LDLRAD4: variants seen among roughly 807,000 people sequenced by gnomAD.
The protein encoded by LDLRAD4 is low density lipoprotein receptor class A domain containing 4.
A neutral mutation model predicts 17.0 loss-of-function variants in LDLRAD4; 5 were observed. That is an observed-to-expected ratio of 0.29 (90% CI 0.15 to 0.62). LDLRAD4 has a LOEUF of 0.62. LDLRAD4 is among the 20% of genes least tolerant of loss of function. The pLI is 0.84. For missense variants in LDLRAD4, 340 were observed against 424.7 expected (o/e 0.80, Z 1.75); for synonymous variants, 168 against 171.8 (o/e 0.98, Z 0.17).
chr18:13,399,710 A>G (rs59113336), intron 2 of LDLRAD4, among the ~76,000 whole-genome samples: 4,880 of 152,324 alleles, frequency 0.032, 270 homozygotes, highest in African/African-American at 0.11. Context: ...AAGGGTTTCC[A>G]GGGATGGCAG....
At position 13,548,167 on chromosome 18, in the gene LDLRAD4, G is replaced by A. The variant is rs142122378; in HGVS notation, c.182-72950G>A. ...TCATCTTGTCATCTGCCTGAGTCTG[G>A]CTGAGTCTGGGGGGTTTTATGGGCT... On this transcript the variant is annotated intron_variant, in intron 3 of 5. Coordinates refer to ENST00000359446, the Ensembl canonical transcript of LDLRAD4. 5.3e-5 allele frequency among the ~76,000 whole-genome samples: 8 copies of A among 152,296 alleles called. No individual in the cohort carries two copies. In the East Asian group the frequency reaches 1.5e-3, roughly 29 times the overall value.
At chr18:13,348,756 C>G (rs1358013725) in intron 1 of LDLRAD4, among the ~76,000 whole-genome samples, 1 of 152,216 alleles carries the variant, frequency 6.6e-6, no homozygotes, top group Non-Finnish European at 1.5e-5. Flanking sequence ...TTTACCTACT[C>G]AAGCCTCAGC....
intron 3 of LDLRAD4, among the ~76,000 whole-genome samples, chr18:13,457,798 G>A (rs1012824611): frequency 6.6e-6 from 1 of 152,110 alleles, no homozygotes; most frequent in Non-Finnish European, 1.5e-5. Flanking sequence ...CTGGGCCCCC[G>A]CTCCCCTGTG....
rs572691344 is a variant in LDLRAD4 at position 13,265,949 on chromosome 18, C to A, written c.-466-12156C>A. ...GAGCACTCAGCCTCCTCCTCACCCC[C>A]ACGTGGATCTGCTCGATCTAGGTTT... On this transcript the variant is annotated intron_variant, in intron 1 of 5. Coordinates refer to the LDLRAD4 transcript ENST00000399848. 4.6e-5 allele frequency among the ~76,000 whole-genome samples: 7 copies of A among 152,282 alleles called. No homozygotes were observed. In the East Asian group the frequency reaches 9.7e-4, roughly 21 times the overall value.
intron 1 of LDLRAD4, among the ~76,000 whole-genome samples, chr18:13,252,597 G>A (rs1261135337): frequency 6.6e-6 from 1 of 152,166 alleles, no homozygotes; most frequent in African/African-American, 2.4e-5. Context: ...GACTGATGAC[G>A]AGGTTGGTGC....
At chr18:13,302,188 G>A (rs1480576693) in intron 1 of LDLRAD4, among the ~76,000 whole-genome samples, 3 of 152,182 alleles carry the variant, frequency 2.0e-5, no homozygotes, top group Non-Finnish European at 2.9e-5. Flanking sequence ...CACTGCTGTC[G>A]CCGGCTGTTT....
chr18:13,421,317 C>T (rs142706140), intron 2 of LDLRAD4: 1 of 152,318 alleles, frequency 6.6e-6, no homozygotes, highest in Non-Finnish European at 1.5e-5. Context: ...GGAGGCCTAC[C>T]TGGCTTCCAC....
exon 6 of LDLRAD4, chr18:13,648,413 G>A (rs1214357071): frequency 6.6e-6 from 1 of 152,160 alleles, no homozygotes; most frequent in Non-Finnish European, 1.5e-5. Flanking sequence ...TCGAGGCTGG[G>A]GCTCTGTAAT....
chr18:13,227,024 C>T (rs779666648), intron 1 of LDLRAD4, among the ~76,000 whole-genome samples: 2 of 152,202 alleles, frequency 1.3e-5, no homozygotes, highest in Non-Finnish European at 2.9e-5. Context: ...GGACCTCACA[C>T]TCTTTGCTAG....
intron 1 of LDLRAD4, among the ~76,000 whole-genome samples, chr18:13,254,460 C>T (rs544203194): frequency 2.6e-5 from 4 of 152,274 alleles, no homozygotes; most frequent in South Asian, 2.1e-4. Context: ...AGGGCTGGCG[C>T]GGACAGAGAG....
chr18:13,590,338 A>AGT (rs10526136), intron 3 of LDLRAD4, among the ~76,000 whole-genome samples: 1 of 145,962 alleles, frequency 6.9e-6, no homozygotes, highest in Non-Finnish European at 1.5e-5. Flanking sequence ...GTGGGGGGTA[A>AGT]GTGTGTGTGT....
chr18:13,408,263 A>G (rs1159493443), intron 2 of LDLRAD4, among the ~76,000 whole-genome samples: 1 of 151,558 alleles, frequency 6.6e-6, no homozygotes, highest in Non-Finnish European at 1.5e-5. Context: ...AGTCCCAGCT[A>G]CTTGGGAAGC....
intron 1 of LDLRAD4, among the ~76,000 whole-genome samples, chr18:13,336,075 C>A (rs561393597): frequency 6.6e-6 from 1 of 152,064 alleles, no homozygotes; most frequent in Admixed American, 6.6e-5. Flanking sequence ...GGAGATCACA[C>A]GGTGAGAGAG....
intron 2 of LDLRAD4, 39 bp downstream of exon 3, chr18:13,387,801 T>C (rs2085941430): frequency 6.3e-7 from 1 of 1,578,038 alleles, no homozygotes; most frequent in Admixed American, 1.7e-5. Flanking sequence ...TTGCCTCCAC[T>C]CCTGGGAGGC....
At chr18:13,224,542 C>T (rs140040781) in intron 1 of LDLRAD4, among the ~76,000 whole-genome samples, 17 of 139,442 alleles carry the variant, frequency 1.2e-4, no homozygotes, top group East Asian at 2.1e-4. Context: ...TTCAGTGGCG[C>T]AATCTCGGCC....
chr18:13,301,061 C>T (rs1551364), intron 1 of LDLRAD4, among the ~76,000 whole-genome samples: 35,816 of 152,098 alleles, frequency 0.24, 4,430 homozygotes, highest in Middle Eastern at 0.35. Flanking sequence ...GGAAGGAGGC[C>T]GAACTGGCCG....
intron 1 of LDLRAD4, among the ~76,000 whole-genome samples, chr18:13,295,461 C>T (rs2046219602): frequency 6.6e-6 from 1 of 152,234 alleles, no homozygotes; most frequent in South Asian, 2.1e-4. Flanking sequence ...TCTTCACCAT[C>T]TCCCTGCAAA....
intron 3 of LDLRAD4, among the ~76,000 whole-genome samples, chr18:13,536,745 T>C (rs933986981): frequency 1.3e-5 from 2 of 152,176 alleles, no homozygotes; most frequent in African/African-American, 4.8e-5. Context: ...TGAGTAGTAA[T>C]ATGAGCTGTA....
intron 1 of LDLRAD4, among the ~76,000 whole-genome samples, chr18:13,288,926 ACAC>A (rs1227600918): frequency 1.3e-5 from 2 of 152,244 alleles, no homozygotes; most frequent in Non-Finnish European, 2.9e-5. Context: ...AGCACTTAAA[ACAC>A]CACCTAGGAA....
Sources: gnomAD v4.1 joint callset for allele counts (sites outside exome capture counted in the v4.1 genomes callset) on GRCh38, gnomAD v4.1.1 for gene constraint, MANE v1.5 for transcripts, NCBI Gene and HGNC (gene_info 2026-07-23, HGNC 2026-07-21) for gene names.